Variants in PTPRN2 observed in about 807,000 individuals in gnomAD.
PTPRN2 encodes the protein receptor-type tyrosine-protein phosphatase N2.
In PTPRN2, 74 loss-of-function variants were observed where a neutral mutation model predicts 118.8. The observed-to-expected ratio is 0.62, with a 90% CI of 0.52 to 0.76. The LOEUF (loss-of-function observed/expected upper bound fraction) is 0.76, where lower values mean the gene tolerates loss of function less well. Ranked by LOEUF, PTPRN2 falls within the 30% of genes least tolerant of loss-of-function variation. The probability of loss-of-function intolerance (pLI) is 0.00; values close to 1 mark genes in which losing one functional copy is unlikely to be tolerated. For missense variants in PTPRN2, 1,481 were observed against 1,394.4 expected (o/e 1.06, Z -0.99); for synonymous variants, 641 against 608.0 (o/e 1.05, Z -0.80).
chr7:157,747,783 T>C (rs1363889511), intron 12 of PTPRN2, among the ~76,000 whole-genome samples: 1 of 129,476 alleles, frequency 7.7e-6, no homozygotes, highest in African/African-American at 3.0e-5. Context: ...GAGGCCTGCG[T>C]CCCTGAGCTG....
At chr7:158,480,492 A>C (rs1408735907) in intron 2 of PTPRN2, among the ~76,000 whole-genome samples, 2 of 152,220 alleles carry the variant, frequency 1.3e-5, no homozygotes, top group Non-Finnish European at 2.9e-5. Flanking sequence ...CTAAGTGTTC[A>C]TGTGAAAGAA....
rs189603743 is a variant in PTPRN2 at position 158,249,311 on chromosome 7, C to A, written c.278-44038G>T. ...CACATGCATACATATGCATATCTAC[C>A]ACACCTGCATGCACACACCCTGCAT... On this transcript the variant is annotated intron_variant, in intron 3 of 22. Coordinates refer to ENST00000389418, the MANE Select transcript of PTPRN2 (RefSeq NM_002847.5). Among the ~76,000 whole-genome samples the A allele has an allele frequency of 2.5e-3, 377 of 151,472 alleles. 6 individuals carry two copies. Among genetic ancestry groups the A allele is most frequent in the Admixed American group, 0.021 (323 of 15,214 alleles).
At chr7:157,832,615 TG>T (rs1323923822) in intron 12 of PTPRN2, among the ~76,000 whole-genome samples, 2 of 151,746 alleles carry the variant, frequency 1.3e-5, no homozygotes, top group Non-Finnish European at 2.9e-5. Context: ...AAAAAAGAAA[TG>T]GAAACACGAA....
chr7:158,082,955 G>T (rs796574961), intron 10 of PTPRN2, among the ~76,000 whole-genome samples: 39 of 152,292 alleles, frequency 2.6e-4, no homozygotes, highest in African/African-American at 7.7e-4. Context: ...CCCACTATGG[G>T]CCCTCAGAAA....
intron 2 of PTPRN2, among the ~76,000 whole-genome samples, chr7:158,351,147 C>G (rs1212595924): frequency 6.6e-6 from 1 of 152,182 alleles, no homozygotes; most frequent in Non-Finnish European, 1.5e-5. Flanking sequence ...ACCTCACCGA[C>G]GGCATCTCTC....
At chr7:158,159,339 CGG>C (rs917227728) in intron 6 of PTPRN2, among the ~76,000 whole-genome samples, 9 of 152,238 alleles carry the variant, frequency 5.9e-5, no homozygotes, top group Non-Finnish European at 7.3e-5. Context: ...ATGAACACCA[CGG>C]GCCCCATCTT....
At position 158,337,603 on chromosome 7, in the gene PTPRN2, ACTCTC is replaced by A. The variant is rs1805919500; in HGVS notation, c.164-20676_164-20672del. Among the ~76,000 whole-genome samples the A allele has an allele frequency of 3.0e-5, 3 of 99,452 alleles. 1 individual carries two copies. Among genetic ancestry groups the A allele is most frequent in the South Asian group, 3.6e-4 (1 of 2,760 alleles). The allele number at this position is 99,452 out of a possible 152,430, so 65.2% of individuals were successfully genotyped here. Reference sequence around the variant, plus strand: ...ACCTGCAGACGTCACTCACACCCACACTCTCACCATAAGAGGAGACACCTGCAGAC... The same window carrying A: ...ACCTGCAGACGTCACTCACACCCACAACCATAAGAGGAGACACCTGCAGAC... On this transcript the variant is annotated intron_variant, in intron 2 of 22. Transcript: ENST00000389418.
At chr7:157,877,481 C>T (rs550251843) in intron 12 of PTPRN2, among the ~76,000 whole-genome samples, 1 of 151,256 alleles carries the variant, frequency 6.6e-6, no homozygotes, top group Non-Finnish European at 1.5e-5. Context: ...GAGTGCAGCG[C>T]CAGGGTTTCC....
chr7:158,394,491 G>A (rs901545941), intron 2 of PTPRN2, among the ~76,000 whole-genome samples: 18 of 152,226 alleles, frequency 1.2e-4, no homozygotes, highest in Non-Finnish European at 1.9e-4. Flanking sequence ...GCAGGTCGGG[G>A]ATGAGCCCCC....
At chr7:158,485,320 C>T (rs1267481523) in intron 2 of PTPRN2, among the ~76,000 whole-genome samples, 2 of 151,672 alleles carry the variant, frequency 1.3e-5, no homozygotes, top group East Asian at 2.0e-4. Flanking sequence ...CGTCCTGACG[C>T]ACTCTTAGAA....
chr7:157,567,279 T>C (rs923102220), intron 21 of PTPRN2, among the ~76,000 whole-genome samples: 1 of 152,226 alleles, frequency 6.6e-6, no homozygotes, highest in South Asian at 2.1e-4. Context: ...ATTATGAGTG[T>C]TTGCATTTTG....
intron 21 of PTPRN2, among the ~76,000 whole-genome samples, chr7:157,558,921 A>G (rs1182393573): frequency 6.6e-6 from 1 of 152,226 alleles, no homozygotes; most frequent in African/African-American, 2.4e-5. Flanking sequence ...ACCTTGTCCC[A>G]TGCCCGTGGG....
At chr7:157,638,213 T>TG (rs1804439043) in intron 14 of PTPRN2, among the ~76,000 whole-genome samples, 1 of 151,904 alleles carries the variant, frequency 6.6e-6, no homozygotes, top group African/African-American at 2.4e-5. Context: ...TCACAAGGAA[T>TG]GGATCTTGAA....
At position 157,591,284 on chromosome 7, in the gene PTPRN2, G is replaced by A. The variant is rs1484408744; in HGVS notation, c.2496+3954C>T. On this transcript the variant is annotated intron_variant, in intron 17 of 22. Coordinates refer to ENST00000389418, the MANE Select transcript of PTPRN2 (RefSeq NM_002847.5). This position sits in a 1 kb window ranked among gnomAD's most constrained non-coding sequence, Gnocchi z 4.4. ...TTCTTCCTGGAATTTGCTGATTACCGACAGAGAAGAAACACCTGTGGACCT... is the reference window on the plus strand; with the variant it reads ...TTCTTCCTGGAATTTGCTGATTACCAACAGAGAAGAAACACCTGTGGACCT... 6.6e-6 allele frequency among the ~76,000 whole-genome samples: 1 copy of A among 152,126 alleles called. No individual in the cohort carries two copies. Among genetic ancestry groups the A allele is most frequent in the South Asian group, 2.1e-4 (1 of 4,814 alleles).
At chr7:158,068,875 G>A (rs145413350) in intron 11 of PTPRN2, among the ~76,000 whole-genome samples, 379 of 152,304 alleles carry the variant, frequency 2.5e-3, no homozygotes, top group Non-Finnish European at 4.2e-3. Context: ...GGTGTTGATA[G>A]AGTGCAAACT....
intron 6 of PTPRN2, among the ~76,000 whole-genome samples, chr7:158,166,483 G>T (rs866504598): frequency 4.8e-4 from 49 of 103,084 alleles, no homozygotes; most frequent in Non-Finnish European, 5.7e-4. Flanking sequence ...TGTGTTCACT[G>T]TCCTCACACC....
intron 6 of PTPRN2, among the ~76,000 whole-genome samples, chr7:158,148,545 C>A (rs1820457848): frequency 1.5e-5 from 2 of 129,420 alleles, no homozygotes; most frequent in African/African-American, 6.1e-5. Context: ...GGTCTTTCCC[C>A]CTCACTGACA....
At chr7:158,445,367 G>A (rs536664386) in intron 2 of PTPRN2, among the ~76,000 whole-genome samples, 53 of 152,202 alleles carry the variant, frequency 3.5e-4, no homozygotes, top group East Asian at 1.5e-3. Flanking sequence ...AAATCCCCCC[G>A]TCTGCAACCC....
chr7:158,259,411 T>C (rs1194937848), intron 3 of PTPRN2, among the ~76,000 whole-genome samples: 1 of 152,172 alleles, frequency 6.6e-6, no homozygotes, highest in Non-Finnish European at 1.5e-5. Flanking sequence ...CAGCTGCTGC[T>C]GTGCTGCAGG....
Sources: gnomAD v4.1 joint callset for allele counts (sites outside exome capture counted in the v4.1 genomes callset) on GRCh38, gnomAD v4.1.1 for gene constraint, Gnocchi (gnomAD v3.1) non-coding constraint, MANE v1.5 for transcripts, NCBI Gene and HGNC (gene_info 2026-07-23, HGNC 2026-07-21) for gene names.